Variants in MAP6 observed in about 807,000 individuals in gnomAD.
The protein encoded by MAP6 is microtubule-associated protein 6.
Under a neutral mutation model 42.4 loss-of-function variants are expected in MAP6, and 26 were observed. The observed-to-expected ratio is 0.61, with a 90% CI of 0.45 to 0.85. MAP6 has a LOEUF of 0.85. Among genes scored for constraint, MAP6 ranks in the 40% least tolerant of loss-of-function variants. The pLI is 0.00. For missense variants in MAP6, 966 were observed against 1,099.0 expected (o/e 0.88, Z 1.71); for synonymous variants, 418 against 443.8 (o/e 0.94, Z 0.73).
intron 3 of MAP6, chr11:75,604,711 A>T (rs1187220022): frequency 1.4e-5 from 14 of 985,268 alleles, no homozygotes; most frequent in Non-Finnish European, 1.4e-5. Context: ...GACACGGAAT[A>T]TACTGAGAGC....
chr11:75,630,327 T>A (rs1466192191), intron 1 of MAP6, among the ~76,000 whole-genome samples: 1 of 152,042 alleles, frequency 6.6e-6, no homozygotes, highest in Non-Finnish European at 1.5e-5. Flanking sequence ...TTTGGAAGAG[T>A]TTGTGAAAAT....
chr11:75,618,011 G>A lies in MAP6; in HGVS notation c.906-9689C>T, dbSNP rs528225040. ...AGGTGGGAGGGAGTGTTGCTCCTTCGGGGGTAACCTAGAGTTCTGACAGTA... is the reference window on the plus strand; with the variant it reads ...AGGTGGGAGGGAGTGTTGCTCCTTCAGGGGTAACCTAGAGTTCTGACAGTA... On this transcript the variant is annotated intron_variant, in intron 1 of 3. Transcript: ENST00000304771. 1.6e-4 allele frequency among the ~76,000 whole-genome samples: 24 copies of A among 152,160 alleles called. No homozygotes were observed. The South Asian group carries it at 4.0e-3, about 25-fold the overall frequency.
intron 3 of MAP6, among the ~76,000 whole-genome samples, chr11:75,602,045 T>C (rs73505062): frequency 0.013 from 1,947 of 151,942 alleles, 59 homozygotes; most frequent in African/African-American, 0.045. Flanking sequence ...ACATAATAGG[T>C]ATTCAATCAA....
chr11:75,657,752 G>A (rs770032674), intron 1 of MAP6, among the ~76,000 whole-genome samples: 11 of 152,080 alleles, frequency 7.2e-5, no homozygotes, highest in Admixed American at 3.3e-4. Flanking sequence ...TCCTTGGGAC[G>A]TGTCCTTCCA....
intron 1 of MAP6, among the ~76,000 whole-genome samples, chr11:75,616,760 TCA>T (rs1383092758): frequency 1.3e-5 from 2 of 152,240 alleles, no homozygotes; most frequent in Non-Finnish European, 2.9e-5. Flanking sequence ...TGCGCAGCTC[TCA>T]GTTTCTTTTG....
At chr11:75,654,582 A>C (rs536321922) in intron 1 of MAP6, among the ~76,000 whole-genome samples, 1 of 152,306 alleles carries the variant, frequency 6.6e-6, no homozygotes, top group South Asian at 2.1e-4. Flanking sequence ...GGTGTAATTT[A>C]TCTCTCTACC....
chr11:75,610,464 G>T (rs1324712880), intron 1 of MAP6, among the ~76,000 whole-genome samples: 1 of 152,244 alleles, frequency 6.6e-6, no homozygotes, highest in Non-Finnish European at 1.5e-5. Flanking sequence ...GTAGGAAAAG[G>T]CCCTGTGGGG....
At chr11:75,599,748 T>C (rs1175780534) in intron 3 of MAP6, among the ~76,000 whole-genome samples, 1 of 152,330 alleles carries the variant, frequency 6.6e-6, no homozygotes, top group African/African-American at 2.4e-5. Flanking sequence ...TCAGGCCAGC[T>C]GAGCCTCCTT....
chr11:75,631,994 T>C (rs1258754323), intron 1 of MAP6, among the ~76,000 whole-genome samples: 1 of 152,236 alleles, frequency 6.6e-6, no homozygotes, highest in African/African-American at 2.4e-5. Flanking sequence ...TTCCTTACTT[T>C]AAATCCATCA....
At chr11:75,659,931 G>GTA (rs1943814435) in intron 1 of MAP6, among the ~76,000 whole-genome samples, 1 of 152,120 alleles carries the variant, frequency 6.6e-6, no homozygotes, top group Non-Finnish European at 1.5e-5. Flanking sequence ...AGAATTAATC[G>GTA]TATATATCTT....
chr11:75,593,319 A>T (rs1449740148), intron 3 of MAP6, among the ~76,000 whole-genome samples: 2 of 152,142 alleles, frequency 1.3e-5, no homozygotes, highest in Non-Finnish European at 2.9e-5. Context: ...TATTTGCAAA[A>T]CTTAATGTTC....
At chr11:75,645,910 T>C (rs969354533) in intron 1 of MAP6, among the ~76,000 whole-genome samples, 1 of 151,526 alleles carries the variant, frequency 6.6e-6, no homozygotes, top group East Asian at 1.9e-4. Context: ...GAGGAGGATA[T>C]ATTGAGAAGA....
At chr11:75,599,684 G>A (rs1251488035) in intron 3 of MAP6, among the ~76,000 whole-genome samples, 3 of 152,154 alleles carry the variant, frequency 2.0e-5, no homozygotes, top group South Asian at 2.1e-4. Flanking sequence ...GGCACTGTGG[G>A]GTATGGGCTT....
At chr11:75,660,435 CT>C (rs1943824600) in intron 1 of MAP6, among the ~76,000 whole-genome samples, 2 of 152,150 alleles carry the variant, frequency 1.3e-5, no homozygotes, top group African/African-American at 4.8e-5. Context: ...TCACTTCTGA[CT>C]TTTTTCCCCC....
At chr11:75,628,180 G>A (rs1254279042) in intron 1 of MAP6, among the ~76,000 whole-genome samples, 2 of 152,160 alleles carry the variant, frequency 1.3e-5, no homozygotes, top group Non-Finnish European at 2.9e-5. Flanking sequence ...AAGAATGCAC[G>A]GTGCTGTTTT....
chr11:75,668,067 C>T lies in MAP6; in HGVS notation c.303G>A (p.Arg101=). Residue 101 remains arginine (R), a synonymous_variant, in exon 1 of 4, where the codon CGG becomes CGA. Transcript: ENST00000304771. ...GEREPAAGPG[R]SGPGPGLGSG... ...AGCCCAGGCCCGGGCCCGGCCCGCT[C>T]CGGCCGGGGCCCGCCGCCGGCTCGC... is the stretch of plus-strand genomic sequence containing the variant. The T allele has an allele frequency of 3.3e-6, 4 of 1,225,080 alleles. No individual in the cohort carries two copies. Among genetic ancestry groups the T allele is most frequent in the Non-Finnish European group, 4.1e-6 (4 of 986,410 alleles). 75.9% of individuals were successfully genotyped at this position (1,225,080 alleles called of 1,614,324 possible). A position where few individuals can be genotyped will look rare whatever the true frequency, so the allele number is the denominator to read the frequency against.
Position 75,667,111 on chromosome 11 carries a change from C to T in MAP6, c.905+354G>A, listed in dbSNP as rs1430886869. On this transcript the variant is annotated intron_variant, in intron 1 of 3. Coordinates refer to ENST00000304771, the MANE Select transcript of MAP6 (RefSeq NM_033063.2). This position sits in a 1 kb window ranked among gnomAD's most constrained non-coding sequence, Gnocchi z 5.6. The stretch of plus-strand genomic sequence containing the variant: ...CTGCAAAGGGCAACATCCAGGCTAA[C>T]GCAGCAGGTGAGTTGGATGGGGGCA... 6.6e-6 allele frequency among the ~76,000 whole-genome samples: 1 copy of T among 152,058 alleles called. No homozygotes were observed. The highest frequency in any genetic ancestry group is 1.5e-5 in the Non-Finnish European group (1 of 68,012).
At chr11:75,619,183 C>G (rs1032786018) in intron 1 of MAP6, among the ~76,000 whole-genome samples, 1 of 151,886 alleles carries the variant, frequency 6.6e-6, no homozygotes, top group Non-Finnish European at 1.5e-5. Context: ...CTAGGACACA[C>G]CATACCCTGT....
chr11:75,608,125 A>G lies in MAP6; in HGVS notation c.1103T>C (p.Phe368Ser). 2 of 1,613,880 alleles carry G rather than the reference A, an allele frequency of 1.2e-6. No individual in the cohort carries two copies. The highest frequency in any genetic ancestry group is 1.7e-6 in the Non-Finnish European group (2 of 1,180,016). ...RRIRSLYSEP[F>S]KEPPKVEKPS... ...CTGTCTCACCTTTGGGGGTTCCTTG[A>G]AGGGTTCGCTGTAGAGGCTGCGTAT... The change falls in exon 2 of 4, where the codon TTC (phenylalanine) becomes TCC (serine). Residue 368 changes from phenylalanine (F) to serine (S), a missense_variant. Coordinates refer to ENST00000304771, the MANE Select transcript of MAP6 (RefSeq NM_033063.2).
Sources: allele counts gnomAD v4.1 joint callset (sites outside exome capture counted in the v4.1 genomes callset), GRCh38; gene constraint gnomAD v4.1.1; non-coding constraint Gnocchi (gnomAD v3.1); transcripts MANE v1.5; gene names NCBI Gene and HGNC (gene_info 2026-07-23, HGNC 2026-07-21).